FAM117B: variants seen among roughly 807,000 people sequenced by gnomAD.
The protein encoded by FAM117B is protein FAM117B.
In FAM117B, 22 loss-of-function variants were observed where a neutral mutation model predicts 52.8. The observed-to-expected ratio is 0.42, with a 90% CI of 0.30 to 0.59. The LOEUF (loss-of-function observed/expected upper bound fraction) is 0.59. FAM117B is among the 20% of genes least tolerant of loss of function. The pLI, the probability that FAM117B is intolerant of heterozygous loss-of-function variation, is 0.22. For missense variants in FAM117B, 678 were observed against 802.6 expected (o/e 0.84, Z 1.88); for synonymous variants, 309 against 324.1 (o/e 0.95, Z 0.50).
intron 1 of FAM117B, among the ~76,000 whole-genome samples, chr2:202,641,641 CTT>C (rs36085021): frequency 0.093 from 13,013 of 140,152 alleles, 1,899 homozygotes; most frequent in African/African-American, 0.31. Context: ...ATTTTATTTT[CTT>C]TTTTTTTTTT....
rs116047241 is a variant in FAM117B, at chr2:202,712,199, T to C, written c.754-12718T>C. Among the ~76,000 whole-genome samples the C allele has an allele frequency of 8.5e-3, 1,293 of 152,224 alleles. 23 individuals carry two copies. Among genetic ancestry groups the C allele is most frequent in the African/African-American group, 0.029 (1,221 of 41,578 alleles). ...AACATGGGATTTCTTTCTTTTTTTG[T>C]GTGTCTTTAATTTCTTCACTCAGTG... On this transcript the variant is annotated intron_variant, in intron 2 of 7. Transcript: ENST00000392238.
chr2:202,715,824 A>C (rs545660397), intron 2 of FAM117B, among the ~76,000 whole-genome samples: 5 of 152,382 alleles, frequency 3.3e-5, no homozygotes, highest in South Asian at 4.1e-4. Flanking sequence ...CTCCGTCTGC[A>C]ATCCCGGCAC....
chr2:202,756,545 G>A (rs761132108), intron 5 of FAM117B, among the ~76,000 whole-genome samples: 21 of 152,134 alleles, frequency 1.4e-4, no homozygotes, highest in Admixed American at 7.2e-4. Context: ...TTGTATTGAT[G>A]CTTAAGATCC....
chr2:202,666,937 G>GC (rs1690214737), intron 1 of FAM117B, among the ~76,000 whole-genome samples: 1 of 151,738 alleles, frequency 6.6e-6, no homozygotes, highest in Non-Finnish European at 1.5e-5. Flanking sequence ...GAGCCACCAC[G>GC]CCCGGCCAGT....
chr2:202,722,050 G>T (rs529780850), intron 2 of FAM117B, among the ~76,000 whole-genome samples: 2 of 132,778 alleles, frequency 1.5e-5, no homozygotes, highest in Non-Finnish European at 3.1e-5. Flanking sequence ...TCTCACTGTC[G>T]CCCGGGCTAG....
chr2:202,731,025 G>T (rs984098832), intron 4 of FAM117B, among the ~76,000 whole-genome samples: 1 of 151,920 alleles, frequency 6.6e-6, no homozygotes, highest in African/African-American at 2.4e-5. Context: ...ATTACATAAA[G>T]AACTCTTGCA....
intron 4 of FAM117B, among the ~76,000 whole-genome samples, chr2:202,745,223 T>C (rs1015201730): frequency 1.3e-5 from 2 of 151,066 alleles, no homozygotes; most frequent in Non-Finnish European, 2.9e-5. Context: ...GAGGTTGCAG[T>C]GAGTGGAGAT....
intron 1 of FAM117B, among the ~76,000 whole-genome samples, chr2:202,690,974 A>C (rs1168970908): frequency 7.0e-6 from 1 of 142,336 alleles, no homozygotes; most frequent in African/African-American, 2.5e-5. Context: ...ACAGGCTGCG[A>C]CTTATTCTTT....
At chr2:202,686,896 T>C (rs1256093812) in intron 1 of FAM117B, among the ~76,000 whole-genome samples, 1 of 152,118 alleles carries the variant, frequency 6.6e-6, no homozygotes, top group East Asian at 1.9e-4. Flanking sequence ...AGGATACATA[T>C]ATATTTTATT....
rs34835866 is a variant in FAM117B at position 202,749,442 on chromosome 2, T to TA, written c.961-6084dup. ...ATAGGTTACAGGTCTGGTATAATGT[T>TA]AAAAAAAAAAAACCACTGGGTTCAG... On this transcript the variant is annotated intron_variant, in intron 4 of 7. Coordinates refer to ENST00000392238, the MANE Select transcript of FAM117B (RefSeq NM_173511.4). Among the ~76,000 whole-genome samples, 1,103 of 148,432 alleles carry TA rather than the reference T, an allele frequency of 7.4e-3. 17 individuals are homozygous for TA. The highest frequency in any genetic ancestry group is 0.049 in the East Asian group (241 of 4,930).
intron 2 of FAM117B, among the ~76,000 whole-genome samples, chr2:202,711,048 AT>A (rs1399069904): frequency 6.6e-6 from 1 of 151,920 alleles, no homozygotes; most frequent in Non-Finnish European, 1.5e-5. Context: ...CAATATACTG[AT>A]TTTCTTTCTT....
In FAM117B at chr2:202,752,425, T is replaced by C. The variant is rs563873475; in HGVS notation, c.961-3113T>C. On this transcript the variant is annotated intron_variant, in intron 4 of 7. Transcript: ENST00000392238. ...ATTTATTATGCTTTTTCTTTTTTTT[T>C]TTTTTTTCCAGTTCTGAAGGGGAGC... Among the ~76,000 whole-genome samples, 57 of 151,678 alleles carry C rather than the reference T, an allele frequency of 3.8e-4. 2 individuals are homozygous for C. The Middle Eastern group carries it at 0.01, about 27-fold the overall frequency.
At chr2:202,754,704 T>C (rs1005909313) in intron 4 of FAM117B, among the ~76,000 whole-genome samples, 11 of 151,434 alleles carry the variant, frequency 7.3e-5, no homozygotes, top group Admixed American at 5.9e-4. Context: ...CTGGCCAATA[T>C]GGTGAAACCC....
chr2:202,749,609 TA>T (rs1389491854), intron 4 of FAM117B, among the ~76,000 whole-genome samples: 4 of 152,116 alleles, frequency 2.6e-5, no homozygotes, highest in African/African-American at 7.2e-5. Context: ...CTTCACTGAA[TA>T]TTTTTTTTAC....
chr2:202,714,240 T>G (rs974732674), intron 2 of FAM117B, among the ~76,000 whole-genome samples: 1 of 152,214 alleles, frequency 6.6e-6, no homozygotes, highest in African/African-American at 2.4e-5. Flanking sequence ...AGTCTGTCCT[T>G]GAGAATGATC....
Position 202,682,984 on chromosome 2 carries a change from C to T in FAM117B, c.602-12897C>T, listed in dbSNP as rs911643901. On this transcript the variant is annotated intron_variant, in intron 1 of 7. Coordinates refer to ENST00000392238, the MANE Select transcript of FAM117B (RefSeq NM_173511.4). ...ATCTAGAAAGAGAACTAATTAAACC[C>T]AAAGTAAGTAGACAAAAGGAAATCA... is the stretch of plus-strand genomic sequence containing the variant. 5.9e-5 allele frequency among the ~76,000 whole-genome samples: 9 copies of T among 152,150 alleles called. No individual in the cohort carries two copies. The East Asian group carries it at 1.7e-3, about 29-fold the overall frequency.
intron 1 of FAM117B, among the ~76,000 whole-genome samples, chr2:202,676,682 G>A (rs188331214): frequency 6.6e-6 from 1 of 152,170 alleles, no homozygotes; most frequent in East Asian, 1.9e-4. Flanking sequence ...CTGGTCAGAT[G>A]TTCATTGTTT....
chr2:202,765,894 C>A lies in FAM117B; in HGVS notation c.*130C>A. 3 of 990,464 alleles carry A rather than the reference C, an allele frequency of 3.0e-6. No homozygotes were observed. The highest frequency in any genetic ancestry group is 4.4e-6 in the Non-Finnish European group (3 of 685,296). The allele number at this position is 990,464 out of a possible 1,614,324, so 61.4% of individuals were successfully genotyped here. On this transcript the variant is annotated 3_prime_UTR_variant, in exon 8 of 8. Coordinates refer to ENST00000392238, the MANE Select transcript of FAM117B (RefSeq NM_173511.4). ...TTTCCAGTGACATGTGACGGCGAGG[C>A]TTCTGGAAGAAAGGATCCCCCGTGA...
chr2:202,766,222 T>C lies in FAM117B; in HGVS notation c.*458T>C, dbSNP rs1348206936. On this transcript the variant is annotated 3_prime_UTR_variant, in exon 8 of 8. Transcript: ENST00000392238. ...TACCAATGTTACATTTTCTGAAACG[T>C]AGCAAACAGGATATTCAAAAGATTC... is the stretch of plus-strand genomic sequence containing the variant. 1.3e-5 allele frequency: 2 copies of C among 153,798 alleles called. No individual in the cohort carries two copies. The highest frequency in any genetic ancestry group is 2.9e-5 in the Non-Finnish European group (2 of 68,988). 9.5% of individuals were successfully genotyped at this position (153,798 alleles called of 1,614,324 possible).
Sources: gnomAD v4.1 joint callset for allele counts (sites outside exome capture counted in the v4.1 genomes callset) on GRCh38, gnomAD v4.1.1 for gene constraint, MANE v1.5 for transcripts, NCBI Gene and HGNC (gene_info 2026-07-23, HGNC 2026-07-21) for gene names.